The following MAGI2 variants were observed in gnomAD, a reference collection of about 807,000 sequenced individuals.
The protein encoded by MAGI2 is membrane associated guanylate kinase, WW and PDZ domain containing 2.
MAGI2 carries 35 observed loss-of-function variants against 133.3 expected under a neutral mutation model. The ratio of observed to expected loss-of-function variants is 0.26; its 90% CI spans 0.20 to 0.35. MAGI2 has a LOEUF of 0.35. MAGI2 is among the 10% of genes least tolerant of loss of function. The pLI, the probability that MAGI2 is intolerant of heterozygous loss-of-function variation, is 1.00. For synonymous variants in MAGI2, 729 were observed against 710.6 expected, an observed-to-expected ratio of 1.03 and a Z score of -0.41; for missense variants, 1,636 against 1,863.4, an observed-to-expected ratio of 0.88 and a Z score of 2.25.
chr7:78,992,702 T>G (rs1214190932), intron 2 of MAGI2, among the ~76,000 whole-genome samples: 1 of 152,050 alleles, frequency 6.6e-6, no homozygotes, highest in African/African-American at 2.4e-5. Context: ...ATATTTTATT[T>G]GTGTGTACAT....
At position 78,729,387 on chromosome 7, in the gene MAGI2, G is replaced by T. The variant is rs1277894946; in HGVS notation, c.419-102148C>A. Among the ~76,000 whole-genome samples, 6 of 152,176 alleles carry T rather than the reference G, an allele frequency of 3.9e-5. No homozygotes were observed. In the East Asian group the frequency reaches 9.6e-4, roughly 24 times the overall value. On this transcript the variant is annotated intron_variant, in intron 2 of 21. Transcript: ENST00000354212. ...AACAGAAGACATTCATCTATCTAAT[G>T]AAACTAAAAGTCAATCAGGATGGAG... is the stretch of plus-strand genomic sequence containing the variant.
chr7:78,912,249 G>T (rs574488853), intron 2 of MAGI2, among the ~76,000 whole-genome samples: 2 of 152,196 alleles, frequency 1.3e-5, no homozygotes, highest in South Asian at 4.2e-4. Flanking sequence ...GAAAATGTAG[G>T]ATTACTATAT....
chr7:79,192,185 C>T (rs1030581295), intron 1 of MAGI2, among the ~76,000 whole-genome samples: 6 of 151,730 alleles, frequency 4.0e-5, no homozygotes, highest in Non-Finnish European at 7.4e-5. Context: ...GAACTTATCA[C>T]CATTTGACGT....
In MAGI2 at chr7:78,227,846, T is replaced by C. The variant is rs529429546; in HGVS notation, c.2048-26653A>G. ...TAGAAATACCATACTGCCTTCTTAC[T>C]CAGTTGTGTGTGTGTGTGTGTGTGT... On this transcript the variant is annotated intron_variant, in intron 10 of 21. Coordinates refer to ENST00000354212, the MANE Select transcript of MAGI2 (RefSeq NM_012301.4). 1.7e-4 allele frequency among the ~76,000 whole-genome samples: 12 copies of C among 70,544 alleles called. No individual in the cohort carries two copies. In the East Asian group the frequency reaches 3.1e-3, roughly 18 times the overall value. 46.3% of individuals were successfully genotyped at this position (70,544 alleles called of 152,430 possible).
chr7:79,103,020 C>T lies in MAGI2; in HGVS notation c.302-95814G>A, dbSNP rs74607345. Among the ~76,000 whole-genome samples the T allele has an allele frequency of 6.9e-3, 1,049 of 152,260 alleles. 14 individuals are homozygous for T. The highest frequency in any genetic ancestry group is 0.024 in the African/African-American group (988 of 41,556). ...TCCACGCCTGAGAGGCCCAGTCTGC[C>T]CTTCTTGTCCTGCCACATAGACATC... is the stretch of plus-strand genomic sequence containing the variant. On this transcript the variant is annotated intron_variant, in intron 1 of 21. Coordinates refer to ENST00000354212, the MANE Select transcript of MAGI2 (RefSeq NM_012301.4).
At chr7:79,365,825 A>G (rs1842663204) in intron 1 of MAGI2, among the ~76,000 whole-genome samples, 1 of 129,862 alleles carries the variant, frequency 7.7e-6, no homozygotes, top group Non-Finnish European at 1.6e-5. Flanking sequence ...GGGCCGCTGC[A>G]CTCCAGCCTG....
At chr7:78,553,848 T>C (rs28485166) in intron 3 of MAGI2, among the ~76,000 whole-genome samples, 235 of 152,226 alleles carry the variant, frequency 1.5e-3, no homozygotes, top group African/African-American at 5.5e-3. Flanking sequence ...CTATGATATG[T>C]ATTTGTCCTA....
chr7:78,185,689 A>G lies in MAGI2; in HGVS notation c.2270-19T>C. ...ACTTGTTCTGGATGGGAAAATGGGG[A>G]ATTAAAGTTGAAATTCATTTATGGC... On this transcript the variant is annotated intron_variant, in intron 12 of 21. Coordinates refer to ENST00000354212, the MANE Select transcript of MAGI2 (RefSeq NM_012301.4). 6.5e-7 allele frequency: 1 copy of G among 1,549,164 alleles called. No homozygotes were observed. The highest frequency in any genetic ancestry group is 8.8e-7 in the Non-Finnish European group (1 of 1,139,168).
In MAGI2 at chr7:79,376,157, T is replaced by A. The variant is rs555853548; in HGVS notation, c.301+76863A>T. 2.2e-4 allele frequency among the ~76,000 whole-genome samples: 34 copies of A among 151,996 alleles called. No homozygotes were observed. In the South Asian group the frequency reaches 6.8e-3, roughly 31 times the overall value. On this transcript the variant is annotated intron_variant, in intron 1 of 21. Transcript: ENST00000354212. ...TAGTTCCCCTTATCATTGGGACATA[T>A]GTTCAAAGCTCCCCAGTGACCACCT...
At chr7:78,349,387 C>T (rs748925403) in intron 7 of MAGI2, among the ~76,000 whole-genome samples, 4 of 152,234 alleles carry the variant, frequency 2.6e-5, no homozygotes, top group East Asian at 3.9e-4. Flanking sequence ...GTTCTATATC[C>T]GTTTTGCTAG....
intron 2 of MAGI2, among the ~76,000 whole-genome samples, chr7:78,909,007 A>T (rs1385866484): frequency 6.6e-6 from 1 of 152,148 alleles, no homozygotes; most frequent in Non-Finnish European, 1.5e-5. Context: ...AAAAGAAACT[A>T]TCATCAGAGT....
At chr7:78,381,019 T>C (rs1380058797) in intron 6 of MAGI2, among the ~76,000 whole-genome samples, 1 of 152,124 alleles carries the variant, frequency 6.6e-6, no homozygotes, top group Non-Finnish European at 1.5e-5. Flanking sequence ...TTGGTCAATT[T>C]ACCATAGTAA....
intron 16 of MAGI2, among the ~76,000 whole-genome samples, chr7:78,150,379 G>A (rs1823752724): frequency 6.6e-6 from 1 of 152,172 alleles, no homozygotes; most frequent in Non-Finnish European, 1.5e-5. Context: ...GTAGTTGATT[G>A]TTGGGAAGAA....
chr7:78,680,703 A>C (rs537042841), intron 2 of MAGI2, among the ~76,000 whole-genome samples: 1 of 152,294 alleles, frequency 6.6e-6, no homozygotes, highest in Admixed American at 6.5e-5. Flanking sequence ...CAACATTCAT[A>C]ATCAAATCAT....
chr7:78,775,344 AAAAAAAAAAAAAG>A, intron 2 of MAGI2, among the ~76,000 whole-genome samples: 1 of 144,102 alleles, frequency 6.9e-6, no homozygotes, highest in Admixed American at 6.9e-5. Flanking sequence ...AAAAAAAAAA[AAAAAAAAAAAAAG>A]GAAGCCTAAA....
chr7:79,135,946 A>AGAAC (rs1821365192), intron 1 of MAGI2, among the ~76,000 whole-genome samples: 5 of 17,410 alleles, frequency 2.9e-4, no homozygotes, highest in Non-Finnish European at 2.7e-3. Context: ...CTCGAAAGAA[A>AGAAC]GAAAGAAAGA....
intron 1 of MAGI2, among the ~76,000 whole-genome samples, chr7:79,062,862 T>C (rs1813905068): frequency 6.6e-6 from 1 of 152,096 alleles, no homozygotes. Context: ...ATTCCTATCT[T>C]AGTAATGGGA....
At chr7:78,079,340 C>T (rs1815709619) in intron 20 of MAGI2, among the ~76,000 whole-genome samples, 1 of 152,144 alleles carries the variant, frequency 6.6e-6, no homozygotes, top group South Asian at 2.1e-4. Context: ...TTACTTATTA[C>T]TTATTATGAC....
intron 2 of MAGI2, among the ~76,000 whole-genome samples, chr7:78,999,036 T>A (rs1339420748): frequency 6.6e-6 from 1 of 152,028 alleles, no homozygotes; most frequent in Admixed American, 6.6e-5. Context: ...CTCAGAACTC[T>A]CTCCCCATTT....
Sources: gnomAD v4.1 joint callset for allele counts (sites outside exome capture counted in the v4.1 genomes callset) on GRCh38, gnomAD v4.1.1 for gene constraint, MANE v1.5 for transcripts, NCBI Gene and HGNC (gene_info 2026-07-23, HGNC 2026-07-21) for gene names.